The following SERINC1 variants were observed in gnomAD, a reference collection of about 807,000 sequenced individuals.
The protein encoded by SERINC1 is tumor differentially expressed protein 2.
Under a neutral mutation model 52.9 loss-of-function variants are expected in SERINC1, and 38 were observed. The ratio of observed to expected loss-of-function variants is 0.72; its 90% CI spans 0.55 to 0.94. The LOEUF is 0.94. Among genes scored for constraint, SERINC1 ranks in the 40% least tolerant of loss-of-function variants. The pLI, the probability that SERINC1 is intolerant of heterozygous loss-of-function variation, is 0.00. For synonymous variants in SERINC1, 198 were observed against 183.1 expected (o/e 1.08, Z -0.66); for missense variants, 471 against 533.9 (o/e 0.88, Z 1.16).
chr6:122,454,166 C>A lies in SERINC1; in HGVS notation c.436G>T (p.Gly146Ter). Residue 146 changes from glycine (G) to a stop codon, truncating the protein, a stop_gained, in exon 4 of 10, where the codon GGA becomes TGA. Coordinates refer to ENST00000339697, the MANE Select transcript of SERINC1 (RefSeq NM_020755.4). LOFTEE classifies it high-confidence loss of function. ...IIIGAFFIPE[G>*]TFTTVWFYVG... ...GATTTCTTACCAGTTGTAAAAGTTC[C>A]TTCTGGAATGAAGAATGCCCCAATA... is the stretch of plus-strand genomic sequence containing the variant. 6.3e-7 allele frequency: 1 copy of A among 1,584,654 alleles called. No individual in the cohort carries two copies. The highest frequency in any genetic ancestry group is 1.2e-5 in the South Asian group (1 of 84,788).
chr6:122,460,623 A>G (rs531985156), intron 1 of SERINC1, among the ~76,000 whole-genome samples: 31 of 152,376 alleles, frequency 2.0e-4, no homozygotes, highest in African/African-American at 7.5e-4. Flanking sequence ...TAAAAGCCCA[A>G]GAATATTTTT....
chr6:122,464,639 A>G lies in SERINC1; in HGVS notation c.40-5958T>C, dbSNP rs117488245. The stretch of plus-strand genomic sequence containing the variant: ...AGTCCAAAATGTCTCTCAAGAATTT[A>G]GCAGGCACTTTCAAAAACCAAAGAA... On this transcript the variant is annotated intron_variant, in intron 1 of 9. Coordinates refer to ENST00000339697, the MANE Select transcript of SERINC1 (RefSeq NM_020755.4). 2.2e-3 allele frequency among the ~76,000 whole-genome samples: 335 copies of G among 152,366 alleles called. 8 individuals are homozygous for G. In the East Asian group the frequency reaches 0.044, roughly 20 times the overall value.
chr6:122,453,966 T>C, intron 4 of SERINC1, 59 bp from the exon 5 acceptor site: 1 of 1,514,410 alleles, frequency 6.6e-7, no homozygotes, highest in South Asian at 1.3e-5. Context: ...ATCATTTCCT[T>C]TCAAAATCAC....
chr6:122,448,715 C>A (rs1230119846), intron 7 of SERINC1, among the ~76,000 whole-genome samples: 1 of 151,416 alleles, frequency 6.6e-6, no homozygotes, highest in Non-Finnish European at 1.5e-5. Context: ...ATGCTCTATG[C>A]AAATCAGATA....
At chr6:122,445,355 A>C (rs1322265934) in intron 9 of SERINC1, among the ~76,000 whole-genome samples, 176 bp from the exon 10 acceptor site, 1 of 152,180 alleles carries the variant, frequency 6.6e-6, no homozygotes, top group Admixed American at 6.5e-5. Context: ...TGAAGGTAAA[A>C]ATCTGTTATT....
intron 1 of SERINC1, among the ~76,000 whole-genome samples, chr6:122,469,643 G>A (rs771502311): frequency 1.1e-4 from 16 of 152,072 alleles, no homozygotes; most frequent in Admixed American, 2.0e-4. Flanking sequence ...TGCAACCTCC[G>A]TCTCCCAGTT....
At chr6:122,470,020 A>G (rs1241703974) in intron 1 of SERINC1, among the ~76,000 whole-genome samples, 1 of 152,238 alleles carries the variant, frequency 6.6e-6, no homozygotes, top group Non-Finnish European at 1.5e-5. Flanking sequence ...GGCACAAGGA[A>G]GAAAAGGGAA....
chr6:122,471,175 T>G (rs1055884520), intron 1 of SERINC1, among the ~76,000 whole-genome samples: 1 of 151,962 alleles, frequency 6.6e-6, no homozygotes, highest in Non-Finnish European at 1.5e-5. Context: ...ACATTAGCAT[T>G]ACTGCCAGGC....
At chr6:122,452,701 G>T (rs1476652142) in intron 5 of SERINC1, among the ~76,000 whole-genome samples, 1 of 152,088 alleles carries the variant, frequency 6.6e-6, no homozygotes, top group Non-Finnish European at 1.5e-5. Flanking sequence ...AATATTTATT[G>T]AATGCCTGCA....
At chr6:122,458,012 T>C (rs1172630779) in intron 2 of SERINC1, among the ~76,000 whole-genome samples, 2 of 152,144 alleles carry the variant, frequency 1.3e-5, no homozygotes, top group East Asian at 3.8e-4. Context: ...TGCCAATATT[T>C]CAGTGCTAGG....
chr6:122,445,223 A>C, intron 9 of SERINC1, 44 bp from the exon 10 acceptor site: 1 of 1,588,334 alleles, frequency 6.3e-7, no homozygotes, highest in Non-Finnish European at 8.6e-7. Flanking sequence ...AAGGGGGTTG[A>C]ATTATCAGCC....
chr6:122,450,738 G>C (rs1016403952), intron 7 of SERINC1, among the ~76,000 whole-genome samples: 1 of 152,110 alleles, frequency 6.6e-6, no homozygotes, highest in African/African-American at 2.4e-5. Flanking sequence ...AACCCTCATA[G>C]ATGACTGAGG....
intron 1 of SERINC1, among the ~76,000 whole-genome samples, chr6:122,460,951 C>G (rs187179846): frequency 1.8e-4 from 28 of 151,894 alleles, no homozygotes; most frequent in African/African-American, 6.8e-4. Context: ...TAAATATTGA[C>G]AAGACAGAAG....
chr6:122,461,337 A>G (rs576586441), intron 1 of SERINC1, among the ~76,000 whole-genome samples: 62 of 152,312 alleles, frequency 4.1e-4, no homozygotes, highest in African/African-American at 1.4e-3. Context: ...CTGAGGAACA[A>G]AGAAATAAAT....
chr6:122,463,979 C>A (rs1037160667), intron 1 of SERINC1, among the ~76,000 whole-genome samples: 2 of 151,988 alleles, frequency 1.3e-5, no homozygotes, highest in Non-Finnish European at 2.9e-5. Flanking sequence ...TGTGGTACAT[C>A]CAAACAAAAA....
At position 122,444,890 on chromosome 6, in the gene SERINC1, A is replaced by G; in HGVS notation, c.*154T>C. Reference sequence around the variant, plus strand: ...TCACATATCAATGCACTTGGTAAGAAAATAACAAAATGACAAGCAGTAAAA... The same window carrying G: ...TCACATATCAATGCACTTGGTAAGAGAATAACAAAATGACAAGCAGTAAAA... On this transcript the variant is annotated 3_prime_UTR_variant, in exon 10 of 10. Transcript: ENST00000339697. 1.4e-6 allele frequency: 1 copy of G among 693,372 alleles called. No individual in the cohort carries two copies. Among genetic ancestry groups the G allele is most frequent in the Non-Finnish European group, 2.3e-6 (1 of 427,910 alleles). The allele number at this position is 693,372 out of a possible 1,614,324, so 43.0% of individuals were successfully genotyped here. A position where few individuals can be genotyped will look rare whatever the true frequency, so the allele number is the denominator to read the frequency against.
chr6:122,468,137 G>A (rs1215414728), intron 1 of SERINC1, among the ~76,000 whole-genome samples: 1 of 152,140 alleles, frequency 6.6e-6, no homozygotes, highest in African/African-American at 2.4e-5. Flanking sequence ...AGGGGAATGG[G>A]TGAATATTGA....
At position 122,471,711 on chromosome 6, in the gene SERINC1, G is replaced by C. The variant is rs763717634; in HGVS notation, c.27C>G (p.Ser9=). The change falls in exon 1 of 10, where the codon TCC becomes TCG. Residue 9 remains serine, a synonymous_variant. Coordinates refer to ENST00000339697, the MANE Select transcript of SERINC1 (RefSeq NM_020755.4). ...AAAAGCACCTTACCCAGCTCGCCAT[G>C]GAGCACAGCCCCAGGACGCTCCCCA... is the stretch of plus-strand genomic sequence containing the variant. The part of the protein sequence containing the change: MGSVLGLC[S]MASWIPCLCG... 6.2e-7 allele frequency: 1 copy of C among 1,614,168 alleles called. No individual in the cohort carries two copies. Among genetic ancestry groups the C allele is most frequent in the South Asian group, 1.1e-5 (1 of 91,088 alleles).
intron 1 of SERINC1, among the ~76,000 whole-genome samples, chr6:122,470,805 T>C (rs1775277650): frequency 6.6e-6 from 1 of 152,036 alleles, no homozygotes; most frequent in Admixed American, 6.5e-5. Flanking sequence ...TGAGTCCAAA[T>C]ACCTCGCCTA....
Sources: allele counts gnomAD v4.1 joint callset (sites outside exome capture counted in the v4.1 genomes callset), GRCh38; gene constraint gnomAD v4.1.1; transcripts MANE v1.5; gene names NCBI Gene and HGNC (gene_info 2026-07-23, HGNC 2026-07-21).